Variants in CNTN5 observed in about 807,000 individuals in gnomAD.
CNTN5 encodes the protein contactin 5.
Under a neutral mutation model 129.1 loss-of-function variants are expected in CNTN5, and 77 were observed. That is an observed-to-expected ratio of 0.60 (90% CI 0.50 to 0.72). The LOEUF is 0.72. CNTN5 is among the 30% of genes least tolerant of loss of function. CNTN5 has a pLI of 0.00. For missense variants in CNTN5, 1,478 were observed against 1,328.8 expected, an observed-to-expected ratio of 1.11 and a Z score of -1.75; for synonymous variants, 509 against 465.6, an observed-to-expected ratio of 1.09 and a Z score of -1.20.
At chr11:99,368,920 T>G (rs1487734171) in intron 2 of CNTN5, among the ~76,000 whole-genome samples, 1 of 151,966 alleles carries the variant, frequency 6.6e-6, no homozygotes, top group African/African-American at 2.4e-5. Flanking sequence ...CACTGGAGAA[T>G]GTCAGGGAAG....
At chr11:99,970,978 C>A (rs1951234830) in intron 8 of CNTN5, among the ~76,000 whole-genome samples, 2 of 152,130 alleles carry the variant, frequency 1.3e-5, no homozygotes, top group Non-Finnish European at 1.5e-5. Context: ...TCCAAGAATG[C>A]AAATGATTTG....
intron 3 of CNTN5, among the ~76,000 whole-genome samples, chr11:99,707,055 G>T (rs1248669897): frequency 1.3e-5 from 2 of 151,264 alleles, no homozygotes; most frequent in Non-Finnish European, 3.0e-5. Flanking sequence ...ATGTGGGTGA[G>T]ATTAGTTTCT....
At chr11:100,350,954 A>G in intron 24 of CNTN5, 84 bp downstream of exon 24, 2 of 1,046,808 alleles carry the variant, frequency 1.9e-6, no homozygotes, top group South Asian at 4.0e-5. Context: ...GATGTGATAG[A>G]TTTCATGGTT....
intron 3 of CNTN5, among the ~76,000 whole-genome samples, chr11:99,776,790 T>TA (rs955038278): frequency 1.7e-3 from 252 of 146,800 alleles, no homozygotes; most frequent in Middle Eastern, 6.9e-3. Context: ...CAATGACAAT[T>TA]AAAAAAAAAA....
chr11:99,820,320 C>T (rs73557513), intron 4 of CNTN5, among the ~76,000 whole-genome samples: 2 of 152,284 alleles, frequency 1.3e-5, no homozygotes, highest in African/African-American at 2.4e-5. Flanking sequence ...TAAAACAGAC[C>T]TATCCTTCAA....
chr11:99,894,246 A>C (rs1273461658), intron 6 of CNTN5, among the ~76,000 whole-genome samples: 1 of 152,048 alleles, frequency 6.6e-6, no homozygotes, highest in African/African-American at 2.4e-5. Flanking sequence ...CTTGTTTATG[A>C]TGCAAATGAT....
chr11:100,224,895 A>T, intron 16 of CNTN5, 83 bp downstream of exon 16: 1 of 1,317,002 alleles, frequency 7.6e-7, no homozygotes, highest in South Asian at 1.5e-5. Flanking sequence ...GACTTTGAGC[A>T]CATCAGTACT....
In CNTN5 at chr11:99,956,792, T is replaced by G. The variant is rs749565155; in HGVS notation, c.674-14T>G. The G allele has an allele frequency of 6.2e-7, 1 of 1,609,136 alleles. No homozygotes were observed. The highest frequency in any genetic ancestry group is 1.7e-5 in the Admixed American group (1 of 59,678). ...ATCAAAGTCTTTCGTTGACCAAATT[T>G]TGTGTATTTTCAGAGATCATCTATA... On this transcript the variant is annotated splice_polypyrimidine_tract_variant and intron_variant, in intron 7 of 24. Transcript: ENST00000524871.
intron 4 of CNTN5, among the ~76,000 whole-genome samples, chr11:99,822,211 T>A (rs1056737237): frequency 6.6e-6 from 1 of 152,146 alleles, no homozygotes; most frequent in African/African-American, 2.4e-5. Flanking sequence ...ATGAAAAATA[T>A]AAAGACTCAG....
chr11:99,345,145 A>G (rs1937743171), intron 2 of CNTN5, among the ~76,000 whole-genome samples: 1 of 152,216 alleles, frequency 6.6e-6, no homozygotes. Context: ...AAGCAAGCAT[A>G]TAAGCCATAT....
At chr11:99,433,130 C>A (rs889523885) in intron 2 of CNTN5, among the ~76,000 whole-genome samples, 2 of 151,782 alleles carry the variant, frequency 1.3e-5, no homozygotes, top group African/African-American at 2.4e-5. Context: ...ACAAAGAGGA[C>A]ATTTACCTCA....
chr11:99,782,772 C>A (rs1199163789), intron 3 of CNTN5, among the ~76,000 whole-genome samples: 1 of 151,900 alleles, frequency 6.6e-6, no homozygotes, highest in Non-Finnish European at 1.5e-5. Flanking sequence ...ACTGGCTAGC[C>A]ATATGTAGAA....
At chr11:99,701,855 C>T (rs1954535590) in intron 3 of CNTN5, among the ~76,000 whole-genome samples, 1 of 150,982 alleles carries the variant, frequency 6.6e-6, no homozygotes, top group African/African-American at 2.4e-5. Flanking sequence ...TTCTCTTTGA[C>T]TTGGCCTTTA....
At chr11:100,083,462 T>C (rs1312684500) in intron 13 of CNTN5, among the ~76,000 whole-genome samples, 3 of 152,068 alleles carry the variant, frequency 2.0e-5, no homozygotes, top group Non-Finnish European at 4.4e-5. Context: ...TCTAATCACT[T>C]CCTACCAGGC....
At chr11:99,773,553 T>C (rs1253089221) in intron 3 of CNTN5, among the ~76,000 whole-genome samples, 2 of 152,102 alleles carry the variant, frequency 1.3e-5, no homozygotes, top group African/African-American at 2.4e-5. Flanking sequence ...AGAATTTTTA[T>C]TGAAATAATA....
intron 3 of CNTN5, among the ~76,000 whole-genome samples, chr11:99,654,370 G>T (rs1300383708): frequency 6.6e-6 from 1 of 152,004 alleles, no homozygotes; most frequent in Non-Finnish European, 1.5e-5. Flanking sequence ...TTCTTAAATA[G>T]GCCATTGGCA....
chr11:100,051,146 A>G (rs1455627454), intron 9 of CNTN5, among the ~76,000 whole-genome samples: 1 of 152,078 alleles, frequency 6.6e-6, no homozygotes, highest in Non-Finnish European at 1.5e-5. Flanking sequence ...CACAGCTATT[A>G]ACCAACTTGA....
intron 13 of CNTN5, among the ~76,000 whole-genome samples, chr11:100,178,497 C>T (rs573718038): frequency 5.9e-5 from 9 of 152,138 alleles, no homozygotes; most frequent in African/African-American, 1.2e-4. Flanking sequence ...TTCTGCAATT[C>T]GCATGTGAAC....
chr11:100,133,661 C>T (rs1233523744), intron 13 of CNTN5, among the ~76,000 whole-genome samples: 1 of 152,192 alleles, frequency 6.6e-6, no homozygotes, highest in Non-Finnish European at 1.5e-5. Flanking sequence ...TTCACTCATT[C>T]CCTCCACACG....
Sources: gnomAD v4.1 joint callset for allele counts (sites outside exome capture counted in the v4.1 genomes callset) on GRCh38, gnomAD v4.1.1 for gene constraint, MANE v1.5 for transcripts, NCBI Gene and HGNC (gene_info 2026-07-23, HGNC 2026-07-21) for gene names.